Variants in INSL6 observed in about 807,000 individuals in gnomAD.
The protein encoded by INSL6 is insulin like 6, also known as insulin-like peptide INSL6.
In INSL6, 16 loss-of-function variants were observed where a neutral mutation model predicts 9.4. The observed-to-expected ratio is 1.70, with a 90% confidence interval of 1.15 to 2.59. The LOEUF is 2.59. Among genes scored for constraint, INSL6 ranks in the 30% most tolerant of loss-of-function variants. INSL6 has a pLI of 0.00. For synonymous variants in INSL6, 154 were observed against 96.9 expected, an observed-to-expected ratio of 1.59 and a Z score of -3.46; for missense variants, 391 against 257.3, an observed-to-expected ratio of 1.52 and a Z score of -3.56.
chr9:5,078,427 CA>C, the INSL6 span: 1 of 1,612,468 alleles, frequency 6.2e-7, no homozygotes, highest in Non-Finnish European at 8.5e-7. Context: ...ATTAGTATTA[CA>C]GTTTTGCCAA....
chr9:5,077,589 T>C, the INSL6 span: 2 of 1,458,400 alleles, frequency 1.4e-6, no homozygotes, highest in Non-Finnish European at 1.8e-6. Flanking sequence ...TAGTAAGTAG[T>C]ACAACCTTTT....
the INSL6 span, among the ~76,000 whole-genome samples, chr9:5,088,145 G>C: frequency 3.3e-4 from 50 of 152,232 alleles, no homozygotes; most frequent in East Asian, 9.6e-3. Flanking sequence ...TCATTTTAGG[G>C]AGTTCTGAAT....
chr9:5,088,289 T>C, the INSL6 span, among the ~76,000 whole-genome samples: 6 of 152,184 alleles, frequency 3.9e-5, no homozygotes, highest in African/African-American at 1.4e-4. Context: ...ATTAAGAGAT[T>C]TAACTTTGAG....
the INSL6 span, among the ~76,000 whole-genome samples, chr9:5,021,025 C>T: frequency 3.1e-3 from 469 of 152,224 alleles, 1 homozygote; most frequent in Non-Finnish European, 4.7e-3. Flanking sequence ...TCCCAGGGCC[C>T]ATGAAAGTTG....
chr9:5,094,568 C>T, the INSL6 span: 1 of 152,122 alleles, frequency 6.6e-6, no homozygotes, highest in Non-Finnish European at 1.5e-5. Flanking sequence ...ATGCATGCAT[C>T]ACAATGCCAG....
the INSL6 span, among the ~76,000 whole-genome samples, chr9:5,104,304 G>C: frequency 6.6e-6 from 1 of 152,164 alleles, no homozygotes; most frequent in African/African-American, 2.4e-5. Flanking sequence ...AAATAAACTA[G>C]AAAATCTAGA....
At chr9:5,181,113 GTTCCCCTGATAATA>G (rs1418653926) in intron 1 of INSL6, among the ~76,000 whole-genome samples, 1 of 152,136 alleles carries the variant, frequency 6.6e-6, no homozygotes, top group African/African-American at 2.4e-5. Context: ...TTGGGGGCGG[GTTCCCCTGATAATA>G]TTCCACGCAT....
At position 5,185,438 on chromosome 9, in the gene INSL6, G is replaced by C. The variant is rs1253150884; in HGVS notation, c.165C>G (p.Phe55Leu). 2.5e-6 allele frequency: 4 copies of C among 1,614,040 alleles called. No homozygotes were observed. In the African/African-American group the frequency reaches 4.0e-5, roughly 16 times the overall value. Residue 55 changes from phenylalanine to leucine, a missense_variant, in exon 1 of 2, where the codon TTC becomes TTG. Transcript: ENST00000381641. ...CGHANWSQFR[F>L]EEETPFSRLI... The stretch of plus-strand genomic sequence containing the variant: ...ACCGTGAGAAAGGGGTTTCCTCCTC[G>C]AAACGGAACTGGCTCCAGTTGGCAT...
chr9:5,005,325 G>C, the INSL6 span, among the ~76,000 whole-genome samples: 1 of 151,530 alleles, frequency 6.6e-6, no homozygotes, highest in Non-Finnish European at 1.5e-5. Context: ...TCTTGCTTTT[G>C]AGTTGTTTGC....
the INSL6 span, among the ~76,000 whole-genome samples, chr9:5,056,096 C>A: frequency 6.6e-6 from 1 of 151,974 alleles, no homozygotes; most frequent in African/African-American, 2.4e-5. Flanking sequence ...ATGTAATGCT[C>A]ACCCCTGACT....
chr9:5,013,456 C>A, the INSL6 span, among the ~76,000 whole-genome samples: 6 of 152,172 alleles, frequency 3.9e-5, no homozygotes, highest in Non-Finnish European at 8.8e-5. Flanking sequence ...ATTTTATATT[C>A]TTGGCTTCTT....
exon 4 of INSL6, among the ~76,000 whole-genome samples, chr9:5,124,095 A>C (rs1004518484): frequency 2.6e-5 from 4 of 151,618 alleles, no homozygotes; most frequent in Admixed American, 2.0e-4. Flanking sequence ...GTTCCTTATA[A>C]ATTCTGGATG....
chr9:5,147,608 T>A (rs1824625680), intron 2 of INSL6, among the ~76,000 whole-genome samples: 1 of 152,254 alleles, frequency 6.6e-6, no homozygotes, highest in Non-Finnish European at 1.5e-5. Flanking sequence ...TCAATCTCTC[T>A]AATGAGACTG....
chr9:5,072,264 G>A, the INSL6 span, among the ~76,000 whole-genome samples: 2 of 152,124 alleles, frequency 1.3e-5, no homozygotes, highest in African/African-American at 2.4e-5. Flanking sequence ...TCAAAACCGA[G>A]TAGAGCCAAA....
At chr9:5,154,754 G>C (rs1484845257) in intron 2 of INSL6, among the ~76,000 whole-genome samples, 4 of 152,198 alleles carry the variant, frequency 2.6e-5, no homozygotes, top group African/African-American at 9.7e-5. Flanking sequence ...TCAGAGAAAT[G>C]CAAATCAAAA....
intron 1 of INSL6, among the ~76,000 whole-genome samples, chr9:5,178,215 G>T (rs144397442): frequency 6.6e-6 from 1 of 152,202 alleles, no homozygotes; most frequent in African/African-American, 2.4e-5. Flanking sequence ...CTCCTCCCTG[G>T]GTGAGACCTC....
At chr9:5,069,976 C>T in the INSL6 span, 1 of 1,607,876 alleles carries the variant, frequency 6.2e-7, no homozygotes, top group Non-Finnish European at 8.5e-7. Flanking sequence ...GATGTACCAA[C>T]CTCACCAACA....
At chr9:5,137,236 T>C (rs1386212863) in intron 2 of INSL6, among the ~76,000 whole-genome samples, 1 of 152,146 alleles carries the variant, frequency 6.6e-6, no homozygotes, top group East Asian at 1.9e-4. Context: ...CAAGCTACCT[T>C]TGACTTTCTT....
chr9:5,018,825 A>G, the INSL6 span, among the ~76,000 whole-genome samples: 4 of 152,082 alleles, frequency 2.6e-5, no homozygotes, highest in African/African-American at 9.7e-5. Flanking sequence ...AGCACTTTTC[A>G]TATATCGTTC....
Sources: allele counts gnomAD v4.1 joint callset (sites outside exome capture counted in the v4.1 genomes callset), GRCh38; gene constraint gnomAD v4.1.1; transcripts MANE v1.5; gene names NCBI Gene and HGNC (gene_info 2026-07-23, HGNC 2026-07-21).